OR14I1: variants seen among roughly 807,000 people sequenced by gnomAD.
OR14I1 encodes the protein olfactory receptor 14I1.
For synonymous variants in OR14I1, 118 were observed against 71.1 expected, an observed-to-expected ratio of 1.66 and a Z score of -3.32; for missense variants, 279 against 181.8, an observed-to-expected ratio of 1.53 and a Z score of -3.07.
At chr1:248,682,230 G>T (rs192289992) in exon 1 of OR14I1, 1 of 779,474 alleles carries the variant, frequency 1.3e-6, no homozygotes, top group Non-Finnish European at 2.4e-6. Flanking sequence ...ACAGCCCGGC[G>T]TGCAGCACCT....
At chr1:248,678,793 A>C (rs1484392407), downstream of OR14I1, among the ~76,000 whole-genome samples, 1 of 152,186 alleles carries the variant, frequency 6.6e-6, no homozygotes, top group South Asian at 2.1e-4. Flanking sequence ...GCATAAATAC[A>C]CAAAGGCCAA....
chr1:248,680,121 G>A (rs565896601), downstream of OR14I1, among the ~76,000 whole-genome samples: 13 of 151,970 alleles, frequency 8.6e-5, no homozygotes, highest in Non-Finnish European at 1.3e-4. Flanking sequence ...TTTTTTCCTT[G>A]TTTTATAAAA....
chr1:248,685,722 G>GTA (rs982639966), upstream of OR14I1, among the ~76,000 whole-genome samples: 1 of 149,510 alleles, frequency 6.7e-6, no homozygotes, highest in Non-Finnish European at 1.5e-5. Context: ...TACATGTATA[G>GTA]TATATATATA....
the OR14I1 span, among the ~76,000 whole-genome samples, chr1:248,690,896 G>T: frequency 6.6e-6 from 1 of 152,100 alleles, no homozygotes; most frequent in Admixed American, 6.5e-5. Context: ...TATCCATCAC[G>T]ATCAAGTAGG....
At chr1:248,682,223 G>A in exon 1 of OR14I1, 1 of 780,588 alleles carries the variant, frequency 1.3e-6, no homozygotes, top group Non-Finnish European at 2.4e-6. Flanking sequence ...AGCAGAAACA[G>A]CCCGGCGTGC....
chr1:248,688,861 C>A, the OR14I1 span, among the ~76,000 whole-genome samples: 3 of 152,200 alleles, frequency 2.0e-5, no homozygotes, highest in Non-Finnish European at 4.4e-5. Context: ...TATGATTCAA[C>A]TGTCAGTCAG....
the OR14I1 span, among the ~76,000 whole-genome samples, chr1:248,689,080 A>T: frequency 1.4e-4 from 22 of 152,280 alleles, no homozygotes; most frequent in Non-Finnish European, 1.5e-5. Flanking sequence ...ACTTCTTGGG[A>T]CACGCGGTCC....
the OR14I1 span, among the ~76,000 whole-genome samples, chr1:248,701,499 T>A: frequency 6.6e-6 from 1 of 152,194 alleles, no homozygotes; most frequent in African/African-American, 2.4e-5. Context: ...TCATCAACAT[T>A]GTTATGTAAA....
At chr1:248,681,083 G>A (rs1375578558), downstream of OR14I1, among the ~76,000 whole-genome samples, 2 of 151,898 alleles carry the variant, frequency 1.3e-5, no homozygotes, top group African/African-American at 4.8e-5. Context: ...GTTCGAACAT[G>A]TGTGGAATGG....
upstream of OR14I1, among the ~76,000 whole-genome samples, chr1:248,685,752 G>A (rs899437249): frequency 2.0e-5 from 3 of 149,266 alleles, no homozygotes; most frequent in African/African-American, 7.4e-5. Flanking sequence ...GTATAGTTGT[G>A]TATATGTATA....
At chr1:248,680,515 G>A (rs530432034), downstream of OR14I1, among the ~76,000 whole-genome samples, 7 of 152,236 alleles carry the variant, frequency 4.6e-5, no homozygotes, top group South Asian at 1.0e-3. Context: ...TACATTTCAC[G>A]AGCCCAGTCA....
In OR14I1 at chr1:248,682,172, C is replaced by CA; in HGVS notation, c.132dup (p.Ala45CysfsTer34). 1 of 780,988 alleles carries CA rather than the reference C, an allele frequency of 1.3e-6. No homozygotes were observed. The allele number at this position is 780,988 out of a possible 1,614,324, so 48.4% of individuals were successfully genotyped here. A position where few individuals can be genotyped will look rare whatever the true frequency, so the allele number is the denominator to read the frequency against. On this transcript the variant is annotated frameshift_variant, in exon 1 of 1. Coordinates refer to ENST00000342623, the Ensembl canonical transcript of OR14I1. LOFTEE classifies it low-confidence loss of function (END_TRUNC). ...AGATGCTGATCGAGAGTGATGACTG[C>CA]AATGATGAGCAGGTTCCCCACCAGC... is the stretch of plus-strand genomic sequence containing the variant.
chr1:248,700,024 T>C, the OR14I1 span, among the ~76,000 whole-genome samples: 2 of 152,134 alleles, frequency 1.3e-5, no homozygotes, highest in South Asian at 4.1e-4. Flanking sequence ...CCTCCCAAAG[T>C]GCTGGGATTT....
the OR14I1 span, among the ~76,000 whole-genome samples, chr1:248,689,660 C>T: frequency 3.9e-5 from 6 of 152,088 alleles, no homozygotes; most frequent in Admixed American, 6.6e-5. Context: ...AAAAGAAAAA[C>T]TTTACCAATG....
chr1:248,696,892 A>C, the OR14I1 span: 1 of 152,338 alleles, frequency 6.6e-6, no homozygotes, highest in Non-Finnish European at 1.5e-5. Context: ...TGAAAGTGTC[A>C]CATGAGGAAG....
chr1:248,691,412 T>C, the OR14I1 span, among the ~76,000 whole-genome samples: 1 of 152,210 alleles, frequency 6.6e-6, no homozygotes, highest in Non-Finnish European at 1.5e-5. Context: ...TTGGAGGGTA[T>C]TGGTAGGGTA....
the OR14I1 span, among the ~76,000 whole-genome samples, chr1:248,688,467 C>T: frequency 6.6e-6 from 1 of 152,172 alleles, no homozygotes; most frequent in African/African-American, 2.4e-5. Flanking sequence ...GAGATTTATT[C>T]TGCTAAATCA....
the OR14I1 span, among the ~76,000 whole-genome samples, chr1:248,690,792 A>C: frequency 1.5e-3 from 227 of 152,174 alleles, 1 homozygote; most frequent in Non-Finnish European, 2.5e-3. Context: ...AAAAAAAAGA[A>C]AGAAAATTTC....
the OR14I1 span, chr1:248,692,183 T>G: frequency 3.3e-5 from 5 of 152,500 alleles, no homozygotes; most frequent in Non-Finnish European, 5.9e-5. Context: ...AGGCTCCTCT[T>G]GGCCTGCAGC....
Sources: allele counts gnomAD v4.1 joint callset (sites outside exome capture counted in the v4.1 genomes callset), GRCh38; gene constraint gnomAD v4.1.1; transcripts MANE v1.5; gene names NCBI Gene and HGNC (gene_info 2026-07-23, HGNC 2026-07-21).